Variants in SCFD2 observed in about 807,000 individuals in gnomAD.
SCFD2 encodes the protein sec1 family domain containing 2.
Under a neutral mutation model 58.9 loss-of-function variants are expected in SCFD2, and 54 were observed. That is an observed-to-expected ratio of 0.92 (90% confidence interval 0.74 to 1.15). The LOEUF is 1.15. Among genes scored for constraint, SCFD2 ranks in the 50% most tolerant of loss-of-function variants. The pLI, the probability that SCFD2 is intolerant of heterozygous loss-of-function variation, is 0.00. For missense variants in SCFD2, 805 were observed against 836.6 expected (o/e 0.96, Z 0.47); for synonymous variants, 321 against 335.9 (o/e 0.96, Z 0.49).
intron 4 of SCFD2, among the ~76,000 whole-genome samples, chr4:53,194,003 C>G (rs1484647931): frequency 6.6e-6 from 1 of 152,104 alleles, no homozygotes; most frequent in Admixed American, 6.5e-5. Flanking sequence ...ATAATTACAC[C>G]ACTTCTTTTA....
At position 53,352,832 on chromosome 4, in the gene SCFD2, T is replaced by C. The variant is rs112568412; in HGVS notation, c.839-66A>G. Reference sequence around the variant, plus strand: ...AGGAAAAAGCAAGTTGGATAAATGTTTTATCACACACCTTCTATCAAAAAT... The same window carrying C: ...AGGAAAAAGCAAGTTGGATAAATGTCTTATCACACACCTTCTATCAAAAAT... On this transcript the variant is annotated intron_variant, in intron 1 of 8. Coordinates refer to ENST00000401642, the MANE Select transcript of SCFD2 (RefSeq NM_152540.4). 1,883 of 1,307,616 alleles carry C rather than the reference T, an allele frequency of 1.4e-3. 29 individuals are homozygous for C. In the African/African-American group the frequency reaches 0.024, roughly 17 times the overall value. The allele number at this position is 1,307,616 out of a possible 1,614,324, so 81.0% of individuals were successfully genotyped here. A position where few individuals can be genotyped will look rare whatever the true frequency, so the allele number is the denominator to read the frequency against.
intron 5 of SCFD2, among the ~76,000 whole-genome samples, chr4:53,044,625 C>G (rs1209236610): frequency 6.0e-4 from 2 of 3,312 alleles, no homozygotes; most frequent in Non-Finnish European, 2.2e-3. Flanking sequence ...CCCTTCTTCC[C>G]TCCCTCCCTC....
At chr4:53,121,528 T>C (rs1165710686) in intron 5 of SCFD2, among the ~76,000 whole-genome samples, 1 of 152,236 alleles carries the variant, frequency 6.6e-6, no homozygotes, top group Non-Finnish European at 1.5e-5. Context: ...TCCAGTTTCT[T>C]TTCTGAGGCG....
At chr4:53,334,338 C>T (rs1461250655) in intron 2 of SCFD2, among the ~76,000 whole-genome samples, 1 of 152,150 alleles carries the variant, frequency 6.6e-6, no homozygotes, top group Non-Finnish European at 1.5e-5. Context: ...ATAGCAAAGA[C>T]TTGGAACCAA....
intron 4 of SCFD2, among the ~76,000 whole-genome samples, chr4:53,196,022 C>T (rs1728047168): frequency 6.6e-6 from 1 of 152,116 alleles, no homozygotes; most frequent in African/African-American, 2.4e-5. Flanking sequence ...CTAAAGACAA[C>T]ATGATATCTA....
chr4:53,247,438 A>G (rs567076249), intron 4 of SCFD2, among the ~76,000 whole-genome samples: 21 of 152,358 alleles, frequency 1.4e-4, no homozygotes, highest in Non-Finnish European at 2.2e-4. Context: ...ACACATGCAC[A>G]TGTATGTTCA....
chr4:52,879,667 A>G (rs960211663), intron 8 of SCFD2, among the ~76,000 whole-genome samples: 1 of 152,100 alleles, frequency 6.6e-6, no homozygotes, highest in Non-Finnish European at 1.5e-5. Context: ...CCTGCCCTGA[A>G]CTCCACATGG....
chr4:52,896,076 G>A (rs1056094449), intron 7 of SCFD2, among the ~76,000 whole-genome samples: 20 of 152,114 alleles, frequency 1.3e-4, no homozygotes, highest in African/African-American at 4.8e-4. Context: ...TTTGTCAGAT[G>A]AGTAGATTGC....
chr4:53,248,993 G>A (rs1048207735), intron 4 of SCFD2, among the ~76,000 whole-genome samples: 2 of 152,204 alleles, frequency 1.3e-5, no homozygotes, highest in Admixed American at 6.5e-5. Flanking sequence ...AGCTTCAGAC[G>A]ATCAAACTAC....
intron 4 of SCFD2, among the ~76,000 whole-genome samples, chr4:53,236,486 C>G (rs1032774239): frequency 6.8e-6 from 1 of 147,882 alleles, no homozygotes; most frequent in African/African-American, 2.5e-5. Context: ...AGTTCTGTCC[C>G]TCTAAGAGAA....
At chr4:53,240,054 G>T (rs1729845538) in intron 4 of SCFD2, among the ~76,000 whole-genome samples, 1 of 152,168 alleles carries the variant, frequency 6.6e-6, no homozygotes, top group Non-Finnish European at 1.5e-5. Context: ...CTTATGAAAG[G>T]TGCTACAATG....
At chr4:53,048,850 T>C (rs2148830358) in intron 5 of SCFD2, among the ~76,000 whole-genome samples, 1 of 152,212 alleles carries the variant, frequency 6.6e-6, no homozygotes, top group Admixed American at 6.5e-5. Flanking sequence ...GCCTCCCCAT[T>C]TCCTGTCATC....
intron 3 of SCFD2, among the ~76,000 whole-genome samples, chr4:53,295,720 T>C (rs1044294894): frequency 9.2e-5 from 14 of 152,200 alleles, no homozygotes; most frequent in African/African-American, 3.4e-4. Context: ...GTGTTGGCTT[T>C]CAAAGGAAAT....
At chr4:52,990,453 C>T (rs1721591782) in intron 5 of SCFD2, among the ~76,000 whole-genome samples, 1 of 152,020 alleles carries the variant, frequency 6.6e-6, no homozygotes, top group South Asian at 2.1e-4. Flanking sequence ...ATAGCTGTAC[C>T]ATTTGTGTAC....
intron 5 of SCFD2, among the ~76,000 whole-genome samples, chr4:53,056,053 T>G (rs1723328971): frequency 6.6e-6 from 1 of 152,024 alleles, no homozygotes; most frequent in African/African-American, 2.4e-5. Context: ...GCTGCCAGAT[T>G]TTTTCTATGT....
In SCFD2 at chr4:53,312,230, C is replaced by G. The variant is rs536240508; in HGVS notation, c.1135+1406G>C. On this transcript the variant is annotated intron_variant, in intron 3 of 8. Transcript: ENST00000401642. ...TAGTATGACAGTTCATTTATTAATT[C>G]AAAACTAGTAAAAGAGCTCTCACCC... is the stretch of plus-strand genomic sequence containing the variant. 2.0e-5 allele frequency among the ~76,000 whole-genome samples: 3 copies of G among 152,256 alleles called. No homozygotes were observed. The South Asian group carries it at 6.2e-4, about 32-fold the overall frequency.
chr4:53,192,188 A>T (rs1727933865), intron 4 of SCFD2, among the ~76,000 whole-genome samples: 1 of 152,086 alleles, frequency 6.6e-6, no homozygotes, highest in Admixed American at 6.6e-5. Context: ...GCCCCTTGAC[A>T]CTAGGCACCT....
At chr4:53,252,308 C>T (rs1577899392) in intron 4 of SCFD2, among the ~76,000 whole-genome samples, 2 of 149,502 alleles carry the variant, frequency 1.3e-5, no homozygotes, top group Admixed American at 1.3e-4. Flanking sequence ...GGCCATACTG[C>T]CCAAGGTAAT....
At chr4:53,179,907 C>T (rs1043676348) in intron 4 of SCFD2, among the ~76,000 whole-genome samples, 1 of 152,086 alleles carries the variant, frequency 6.6e-6, no homozygotes, top group Non-Finnish European at 1.5e-5. Context: ...ACAAAGAAGG[C>T]CATTACATAA....
Sources: gnomAD v4.1 joint callset for allele counts (sites outside exome capture counted in the v4.1 genomes callset) on GRCh38, gnomAD v4.1.1 for gene constraint, MANE v1.5 for transcripts, NCBI Gene and HGNC (gene_info 2026-07-23, HGNC 2026-07-21) for gene names.